The following STK39 variants were observed in gnomAD, a reference collection of about 807,000 sequenced individuals.
The protein encoded by STK39 is serine/threonine kinase 39, also known as STE20/SPS1-related proline-alanine-rich protein kinase.
In STK39, 20 loss-of-function variants were observed where a neutral mutation model predicts 77.8. That is an observed-to-expected ratio of 0.26 (90% confidence interval 0.18 to 0.37). STK39 has a LOEUF of 0.37. Ranked by LOEUF, STK39 falls within the 10% of genes least tolerant of loss-of-function variation. The probability of loss-of-function intolerance (pLI) is 1.00; values close to 1 mark genes in which losing one functional copy is unlikely to be tolerated. For missense variants in STK39, 479 were observed against 656.5 expected (o/e 0.73, Z 2.95); for synonymous variants, 246 against 234.1 (o/e 1.05, Z -0.47).
chr2:168,241,536 A>C (rs1380988798), intron 1 of STK39, among the ~76,000 whole-genome samples: 1 of 152,202 alleles, frequency 6.6e-6, no homozygotes, highest in Non-Finnish European at 1.5e-5. Context: ...CTCCCACAGC[A>C]GTGGAGGTGC....
chr2:167,956,128 A>C (rs1056349156), intron 17 of STK39, among the ~76,000 whole-genome samples: 2 of 152,232 alleles, frequency 1.3e-5, no homozygotes, highest in African/African-American at 4.8e-5. Context: ...TTACAGGGAA[A>C]GGTATTATAA....
At chr2:167,964,420 C>T in intron 17 of STK39, 1 of 429,352 alleles carries the variant, frequency 2.3e-6, no homozygotes, top group Non-Finnish European at 4.1e-6. Context: ...TCTTATATGG[C>T]CGCTCTTAGT....
chr2:168,066,040 CA>C lies in STK39; in HGVS notation c.1243-660del, dbSNP rs3835855. ...CAAAAAACAACACCAACAACAACAA[CA>C]AAAAAAACCTCAAAGAGAAACAGCA... On this transcript the variant is annotated intron_variant, in intron 12 of 17. Coordinates refer to ENST00000355999, the MANE Select transcript of STK39 (RefSeq NM_013233.3). 4.0e-5 allele frequency among the ~76,000 whole-genome samples: 6 copies of C among 151,546 alleles called. No individual in the cohort carries two copies. In the East Asian group the frequency reaches 1.2e-3, roughly 29 times the overall value.
chr2:168,003,148 T>C (rs1279612700), intron 16 of STK39, among the ~76,000 whole-genome samples: 1 of 152,146 alleles, frequency 6.6e-6, no homozygotes, highest in Non-Finnish European at 1.5e-5. Flanking sequence ...CAGCTAATTT[T>C]TGTATTTTTA....
At chr2:168,018,525 AAAGAAAAGAAAGAAAAGAAAG>A (rs1227429686) in intron 14 of STK39, among the ~76,000 whole-genome samples, 24 of 96,412 alleles carry the variant, frequency 2.5e-4, no homozygotes, top group African/African-American at 1.5e-3. Context: ...GAAAGAAAAG[AAAGAAAAGAAAGAAAAGAAAG>A]AAAGAAAGAA....
chr2:167,993,890 T>C lies in STK39; in HGVS notation c.1498+18744A>G, dbSNP rs572105097. Among the ~76,000 whole-genome samples, 5 of 152,314 alleles carry C rather than the reference T, an allele frequency of 3.3e-5. No homozygotes were observed. In the South Asian group the frequency reaches 1.0e-3, roughly 32 times the overall value. ...ATTCTCTTTGTCTTCTTAAGTTTCA[T>C]AAAATACTGTCACATACTAGGAATG... On this transcript the variant is annotated intron_variant, in intron 16 of 17. Coordinates refer to ENST00000355999, the MANE Select transcript of STK39 (RefSeq NM_013233.3).
intron 16 of STK39, among the ~76,000 whole-genome samples, chr2:167,996,056 T>TTAA (rs145211928): frequency 0.052 from 7,893 of 152,226 alleles, 729 homozygotes; most frequent in African/African-American, 0.18. Context: ...GCTGGTCCTG[T>TTAA]TAATATGTAC....
In STK39 at chr2:168,247,464, G is replaced by A. The variant is rs1293945155; in HGVS notation, c.-29C>T. On this transcript the variant is annotated 5_prime_UTR_variant, in exon 1 of 18. Transcript: ENST00000355999. ...GCTGCGGAGGAGAGCAGGAGGACGC[G>A]CCGGCCGACGGACGACCTTCCACTT... is the stretch of plus-strand genomic sequence containing the variant. The A allele has an allele frequency of 7.7e-7, 1 of 1,301,704 alleles. No homozygotes were observed. Among genetic ancestry groups the A allele is most frequent in the South Asian group, 1.7e-5 (1 of 59,772 alleles). The allele number at this position is 1,301,704 out of a possible 1,614,324, so 80.6% of individuals were successfully genotyped here.
chr2:168,151,492 T>C (rs922286206), intron 5 of STK39, among the ~76,000 whole-genome samples: 1 of 151,978 alleles, frequency 6.6e-6, no homozygotes, highest in Admixed American at 6.6e-5. Flanking sequence ...ATCCCAGCAT[T>C]TTGGGAGGCC....
chr2:168,181,833 T>C, intron 2 of STK39, 145 bp downstream of exon 2: 2 of 625,860 alleles, frequency 3.2e-6, no homozygotes, highest in South Asian at 1.9e-5. Flanking sequence ...CCCATTAATC[T>C]GGGGAGCAGG....
In STK39 at chr2:168,098,891, G is replaced by C. The variant is rs75225660; in HGVS notation, c.1090-23660C>G. Among the ~76,000 whole-genome samples the C allele has an allele frequency of 9.2e-5, 14 of 152,354 alleles. No homozygotes were observed. In the East Asian group the frequency reaches 2.7e-3, roughly 29 times the overall value. On this transcript the variant is annotated intron_variant, in intron 10 of 17. Transcript: ENST00000355999. The stretch of plus-strand genomic sequence containing the variant: ...TCTGGCGAAGCCTGTAACAACACCA[G>C]AAGTGGAGCTACGTGGCTTCCAAGG...
intron 14 of STK39, among the ~76,000 whole-genome samples, chr2:168,031,989 C>T (rs1470052569): frequency 1.3e-5 from 2 of 152,180 alleles, no homozygotes; most frequent in African/African-American, 2.4e-5. Flanking sequence ...ATCCCTTCAA[C>T]GGTTCCAAAT....
chr2:168,047,189 C>T (rs2105360976), intron 14 of STK39, among the ~76,000 whole-genome samples: 1 of 152,194 alleles, frequency 6.6e-6, no homozygotes, highest in East Asian at 1.9e-4. Flanking sequence ...TTGGATATTG[C>T]TAAAAATACT....
intron 16 of STK39, among the ~76,000 whole-genome samples, chr2:167,972,184 T>A (rs969383084): frequency 1.3e-5 from 2 of 152,222 alleles, no homozygotes; most frequent in African/African-American, 4.8e-5. Context: ...AAGAATTTCT[T>A]ACCAGTCAGA....
chr2:168,201,391 C>T (rs1689608405), intron 1 of STK39, among the ~76,000 whole-genome samples: 2 of 152,186 alleles, frequency 1.3e-5, no homozygotes, highest in South Asian at 4.1e-4. Context: ...AGCACTGATG[C>T]ATATTTATGG....
In STK39 at chr2:168,063,543, T is replaced by C. The variant is rs1467197996; in HGVS notation, c.1333A>G (p.Arg445Gly). ...TTCACGGCACAAGAAGAAGCTTCTC[T>C]GTAGTCTTCATTAGCATTGGGTGGG... is the stretch of plus-strand genomic sequence containing the variant. Reference protein sequence around the residue: ...QGPPNANEDYREASSCAVNLV... With the variant: ...QGPPNANEDYGEASSCAVNLV... Residue 445 changes from arginine to glycine, a missense_variant, in exon 14 of 18, where the codon AGA (arginine) becomes GGA (glycine). By Grantham distance (125) the Arg-to-Gly change is moderately radical. Transcript: ENST00000355999. The C allele has an allele frequency of 1.2e-6, 2 of 1,613,272 alleles. No homozygotes were observed. Among genetic ancestry groups the C allele is most frequent in the East Asian group, 4.5e-5 (2 of 44,856 alleles).
intron 3 of STK39, among the ~76,000 whole-genome samples, chr2:168,165,958 GA>G (rs2105594634): frequency 6.6e-6 from 1 of 152,210 alleles, no homozygotes; most frequent in African/African-American, 2.4e-5. Context: ...TCAAGCCCTC[GA>G]AAGAGAACAC....
At chr2:168,111,341 C>T (rs1687115100) in intron 10 of STK39, among the ~76,000 whole-genome samples, 1 of 152,168 alleles carries the variant, frequency 6.6e-6, no homozygotes, top group South Asian at 2.1e-4. Flanking sequence ...TTTCCATCTT[C>T]CTGAAAGTTA....
intron 1 of STK39, among the ~76,000 whole-genome samples, chr2:168,193,904 G>A (rs1021192125): frequency 1.3e-5 from 2 of 152,140 alleles, no homozygotes; most frequent in East Asian, 1.9e-4. Flanking sequence ...TATCCCCGAA[G>A]GGGCCAGGTA....
Sources: allele counts gnomAD v4.1 joint callset (sites outside exome capture counted in the v4.1 genomes callset), GRCh38; gene constraint gnomAD v4.1.1; transcripts MANE v1.5; gene names NCBI Gene and HGNC (gene_info 2026-07-23, HGNC 2026-07-21).